The following GRK3 variants were observed in gnomAD, a reference collection of about 807,000 sequenced individuals.
GRK3 encodes the protein adrenergic, beta, receptor kinase 2.
Under a neutral mutation model 95.7 loss-of-function variants are expected in GRK3, and 54 were observed. That is an observed-to-expected ratio of 0.56 (90% CI 0.45 to 0.71). The LOEUF is 0.71. GRK3 is among the 30% of genes least tolerant of loss of function. GRK3 has a pLI of 0.00. For missense variants in GRK3, 649 were observed against 851.2 expected (o/e 0.76, Z 2.96); for synonymous variants, 281 against 290.8 (o/e 0.97, Z 0.34).
chr22:25,677,595 G>T (rs561494988), intron 8 of GRK3, among the ~76,000 whole-genome samples: 1 of 152,064 alleles, frequency 6.6e-6, no homozygotes, highest in Non-Finnish European at 1.5e-5. Flanking sequence ...GTAAGAACTC[G>T]TAGAAAAGTG....
rs553542402 is a variant in GRK3, at chr22:25,672,215, C to G, written c.504-81C>G. ...GACAAGCAACCCAAGTAATGCCGTTCTAGTCTGTCTTACGGTGTTGTTTTG... is the reference window on the plus strand; with the variant it reads ...GACAAGCAACCCAAGTAATGCCGTTGTAGTCTGTCTTACGGTGTTGTTTTG... On this transcript the variant is annotated intron_variant, in intron 6 of 20. Coordinates refer to ENST00000324198, the MANE Select transcript of GRK3 (RefSeq NM_005160.4). The G allele has an allele frequency of 3.0e-4, 208 of 699,400 alleles. No homozygotes were observed. In the African/African-American group the frequency reaches 3.3e-3, roughly 11 times the overall value. The allele number at this position is 699,400 out of a possible 1,614,324, so 43.3% of individuals were successfully genotyped here. A position where few individuals can be genotyped will look rare whatever the true frequency, so the allele number is the denominator to read the frequency against.
intron 15 of GRK3, among the ~76,000 whole-genome samples, chr22:25,708,980 T>C (rs1018195628): frequency 2.0e-5 from 3 of 152,078 alleles, no homozygotes; most frequent in Non-Finnish European, 4.4e-5. Flanking sequence ...CTCTGGGTAC[T>C]CCAAGTTTTA....
chr22:25,594,196 A>T (rs185043235), intron 1 of GRK3, among the ~76,000 whole-genome samples: 2 of 152,278 alleles, frequency 1.3e-5, no homozygotes. Flanking sequence ...TTTGGGCAGC[A>T]TGGCCATTTT....
intron 2 of GRK3, among the ~76,000 whole-genome samples, chr22:25,614,693 T>A (rs16980511): frequency 6.6e-5 from 10 of 152,188 alleles, no homozygotes; most frequent in Non-Finnish European, 1.0e-4. Context: ...GAAATTAGCA[T>A]GCATATGAAG....
intron 2 of GRK3, among the ~76,000 whole-genome samples, chr22:25,620,139 C>T (rs961190432): frequency 2.0e-5 from 3 of 151,088 alleles, no homozygotes; most frequent in Non-Finnish European, 2.9e-5. Flanking sequence ...GAGGGAGGGG[C>T]GCTTCAAAGC....
rs144086816 is a variant in GRK3, at chr22:25,620,006, T to TTTTGTGTG, written c.190+15554_190+15555insTTGTGTGT. Among the ~76,000 whole-genome samples, 468 of 90,302 alleles carry TTTTGTGTG rather than the reference T, an allele frequency of 5.2e-3. 2 individuals are homozygous for TTTTGTGTG. The highest frequency in any genetic ancestry group is 6.9e-3 in the Non-Finnish European group (353 of 51,240). 59.2% of individuals were successfully genotyped at this position (90,302 alleles called of 152,430 possible). ...TTACTCTTCCTTTCCTTTGTCTTTT[T>TTTTGTGTG]TGTGTGTGTGTGTGTGTGTGTGTGT... On this transcript the variant is annotated intron_variant, in intron 2 of 20. Coordinates refer to ENST00000324198, the MANE Select transcript of GRK3 (RefSeq NM_005160.4).
At chr22:25,598,474 C>A (rs910586157) in intron 1 of GRK3, among the ~76,000 whole-genome samples, 3 of 151,956 alleles carry the variant, frequency 2.0e-5, no homozygotes, top group African/African-American at 7.3e-5. Flanking sequence ...GAGTTCAAGA[C>A]CAGCCTGGGC....
At chr22:25,582,554 G>GA (rs1382692173) in intron 1 of GRK3, among the ~76,000 whole-genome samples, 1 of 152,040 alleles carries the variant, frequency 6.6e-6, no homozygotes, top group Non-Finnish European at 1.5e-5. Flanking sequence ...TTCATCTGAA[G>GA]AAAAAATGGG....
chr22:25,673,415 A>T (rs902566951), intron 7 of GRK3, among the ~76,000 whole-genome samples: 3 of 150,578 alleles, frequency 2.0e-5, no homozygotes, highest in Non-Finnish European at 4.4e-5. Flanking sequence ...CCAAGAAATG[A>T]TCTATTTTTT....
intron 2 of GRK3, among the ~76,000 whole-genome samples, chr22:25,622,737 C>T (rs558349591): frequency 7.9e-5 from 12 of 152,152 alleles, no homozygotes; most frequent in African/African-American, 2.2e-4. Context: ...AGACCCCTGT[C>T]GCATTTAGGA....
At chr22:25,596,500 A>G (rs2084373455) in intron 1 of GRK3, among the ~76,000 whole-genome samples, 1 of 152,232 alleles carries the variant, frequency 6.6e-6, no homozygotes, top group Admixed American at 6.5e-5. Flanking sequence ...ATAAATTAGC[A>G]ATTTCAAAAA....
rs2085444362 is a variant in GRK3 at position 25,722,846 on chromosome 22, C to T, written c.*396C>T. The T allele has an allele frequency of 6.3e-6, 1 of 158,300 alleles. No individual in the cohort carries two copies. Among genetic ancestry groups the T allele is most frequent in the Admixed American group, 6.3e-5 (1 of 15,842 alleles). The allele number at this position is 158,300 out of a possible 1,614,324, so 9.8% of individuals were successfully genotyped here. ...ATTCTGTCTAGTCACTGCTGATTTT[C>T]TATGTCTTTGCTCCATACTGCTGGG... is the stretch of plus-strand genomic sequence containing the variant. On this transcript the variant is annotated 3_prime_UTR_variant, in exon 21 of 21. Transcript: ENST00000324198.
intron 13 of GRK3, among the ~76,000 whole-genome samples, chr22:25,701,521 G>A (rs373368843): frequency 3.9e-5 from 6 of 152,170 alleles, no homozygotes; most frequent in African/African-American, 1.4e-4. Flanking sequence ...GGAATTTGTA[G>A]CAATGGGGCC....
intron 2 of GRK3, among the ~76,000 whole-genome samples, chr22:25,620,004 TTTTGTGTGTGTGTGTGTGTGTGTGTG>T (rs1043275834): frequency 5.8e-5 from 7 of 120,548 alleles, no homozygotes; most frequent in African/African-American, 2.1e-4. Flanking sequence ...CCTTTGTCTT[TTTTGTGTGTGTGTGTGTGTGTGTGTG>T]TGTGTGTGTG....
rs531927011 is a variant in GRK3 at position 25,724,062 on chromosome 22, T to C, written c.*1612T>C. The C allele has an allele frequency of 6.6e-6, 1 of 151,544 alleles. No homozygotes were observed. Among genetic ancestry groups the C allele is most frequent in the African/African-American group, 2.4e-5 (1 of 41,136 alleles). The allele number at this position is 151,544 out of a possible 1,614,324, so 9.4% of individuals were successfully genotyped here. A position where few individuals can be genotyped will look rare whatever the true frequency, so the allele number is the denominator to read the frequency against. On this transcript the variant is annotated 3_prime_UTR_variant, in exon 21 of 21. Transcript: ENST00000324198. ...CAGTGTGGGAGGAGGGATGTACTAC[T>C]TACATGCATTCTCCTTATTTAAAAA... is the stretch of plus-strand genomic sequence containing the variant.
intron 15 of GRK3, among the ~76,000 whole-genome samples, chr22:25,705,103 A>AAAT (rs144186855): frequency 7.4e-4 from 112 of 152,310 alleles, no homozygotes; most frequent in African/African-American, 2.6e-3. Context: ...GTAGATAGCT[A>AAAT]AATAATGTAC....
chr22:25,671,106 C>T (rs1360600676), intron 6 of GRK3, among the ~76,000 whole-genome samples: 1 of 151,768 alleles, frequency 6.6e-6, no homozygotes, highest in African/African-American at 2.4e-5. Flanking sequence ...GTAATCCCAG[C>T]ACTTTGGGAG....
In GRK3 at chr22:25,648,881, C is replaced by T. The variant is rs1035623887; in HGVS notation, c.264+4216C>T. The T allele has an allele frequency of 3.8e-5, 34 of 905,180 alleles. 1 individual carries two copies. In the African/African-American group the frequency reaches 4.2e-4, roughly 11 times the overall value. 56.1% of individuals were successfully genotyped at this position (905,180 alleles called of 1,614,324 possible). ...CAAGGTTAATTGAAGACAATGAATA[C>T]ACATCAAGACAAGGTGCAGAATTTC... is the stretch of plus-strand genomic sequence containing the variant. On this transcript the variant is annotated intron_variant, in intron 3 of 20. Transcript: ENST00000324198.
intron 9 of GRK3, among the ~76,000 whole-genome samples, chr22:25,684,785 T>A (rs979312475): frequency 6.6e-6 from 1 of 152,222 alleles, no homozygotes; most frequent in African/African-American, 2.4e-5. Context: ...TCTATGCATT[T>A]TATTATGTAA....
Sources: allele counts gnomAD v4.1 joint callset (sites outside exome capture counted in the v4.1 genomes callset), GRCh38; gene constraint gnomAD v4.1.1; transcripts MANE v1.5; gene names NCBI Gene and HGNC (gene_info 2026-07-23, HGNC 2026-07-21).